SMU1: variants seen among roughly 807,000 people sequenced by gnomAD.
The protein encoded by SMU1 is SMU1 DNA replication regulator and spliceosomal factor.
A neutral mutation model predicts 62.0 loss-of-function variants in SMU1; 2 were observed. The observed-to-expected ratio is 0.03, with a 90% CI of 0.01 to 0.10. The LOEUF (loss-of-function observed/expected upper bound fraction) is 0.10, where lower values mean the gene tolerates loss of function less well. Among genes scored for constraint, SMU1 ranks in the 10% least tolerant of loss-of-function variants. SMU1 has a pLI of 1.00. For missense variants in SMU1, 227 were observed against 622.1 expected (o/e 0.36, Z 6.76); for synonymous variants, 188 against 212.4 (o/e 0.89, Z 1.00).
rs1839454956 is a variant in SMU1, at chr9:33,068,811, GGAATT to G, written c.501+8_501+12del. Reference sequence around the variant, plus strand: ...TGAGCCACCACACCTGGCCTCTACAGGAATTGAATTACCTGTCCCAGCAATGCCAT... The same window carrying G: ...TGAGCCACCACACCTGGCCTCTACAGGAATTACCTGTCCCAGCAATGCCAT... On this transcript the variant is annotated splice_region_variant and intron_variant, in intron 4 of 11. Coordinates refer to ENST00000397149, the MANE Select transcript of SMU1 (RefSeq NM_018225.3). The G allele has an allele frequency of 1.2e-6, 2 of 1,613,372 alleles. No homozygotes were observed. Among genetic ancestry groups the G allele is most frequent in the Non-Finnish European group, 1.7e-6 (2 of 1,179,822 alleles).
At chr9:33,049,135 A>G (rs180939215) in intron 10 of SMU1, among the ~76,000 whole-genome samples, 3 of 152,214 alleles carry the variant, frequency 2.0e-5, no homozygotes, top group African/African-American at 4.8e-5. Flanking sequence ...AAGCTTACGC[A>G]AAGAGGCAAA....
At chr9:33,064,387 T>C (rs1839395906) in intron 4 of SMU1, among the ~76,000 whole-genome samples, 2 of 152,230 alleles carry the variant, frequency 1.3e-5, no homozygotes, top group Admixed American at 1.3e-4. Context: ...CCAGTGTTTT[T>C]CTATTATCTT....
chr9:33,075,979 A>ATAGTTGTTCATTCATTCCAAAAGC (rs1172903345), intron 1 of SMU1, among the ~76,000 whole-genome samples: 2 of 152,172 alleles, frequency 1.3e-5, no homozygotes, highest in African/African-American at 2.4e-5. Context: ...ATCGGGCCTG[A>ATAGTTGTTCATTCATTCCAAAAGC]TAGTTGTTCA....
chr9:33,051,948 C>G (rs547794033), intron 10 of SMU1, among the ~76,000 whole-genome samples: 1 of 147,362 alleles, frequency 6.8e-6, no homozygotes, highest in Non-Finnish European at 1.5e-5. Flanking sequence ...ACCCGGCAGG[C>G]GGAGGTTACA....
rs186532286 is a variant in SMU1, at chr9:33,059,448, T to A, written c.750+1017A>T. Among the ~76,000 whole-genome samples, 23 of 151,264 alleles carry A rather than the reference T, an allele frequency of 1.5e-4. No individual in the cohort carries two copies. The East Asian group carries it at 4.2e-3, about 27-fold the overall frequency. ...ACATATAACCCCTTGAAAAAAAAAT[T>A]TGTTTTTTGCACGTCCCTGTAATCC... On this transcript the variant is annotated intron_variant, in intron 6 of 11. Transcript: ENST00000397149.
rs1366879383 is a variant in SMU1 at position 33,042,685 on chromosome 9, C to T, written c.*4608G>A. 6.6e-6 allele frequency: 1 copy of T among 152,204 alleles called. No individual in the cohort carries two copies. The highest frequency in any genetic ancestry group is 1.5e-5 in the Non-Finnish European group (1 of 68,054). 9.4% of individuals were successfully genotyped at this position (152,204 alleles called of 1,614,324 possible). On this transcript the variant is annotated 3_prime_UTR_variant, in exon 12 of 12. Coordinates refer to ENST00000397149, the MANE Select transcript of SMU1 (RefSeq NM_018225.3). Reference sequence around the variant, plus strand: ...TCTGTATAACTCGGCTGGGTGTAGCCTAAGCATCAAAATGATTATGCGCAG... The same window carrying T: ...TCTGTATAACTCGGCTGGGTGTAGCTTAAGCATCAAAATGATTATGCGCAG...
intron 9 of SMU1, among the ~76,000 whole-genome samples, chr9:33,055,821 C>G (rs1839297711): frequency 6.6e-6 from 1 of 152,126 alleles, no homozygotes. Flanking sequence ...ATTTAACCAC[C>G]ATGTGTATCT....
Position 33,060,554 on chromosome 9 carries a change from G to C in SMU1, c.661C>G (p.Arg221Gly). Residue 221 changes from arginine to glycine, a missense_variant, in exon 6 of 12, where the codon CGA becomes GGA. Coordinates refer to ENST00000397149, the MANE Select transcript of SMU1 (RefSeq NM_018225.3). Reference protein sequence around the residue: ...FGQKSHVECARFSPDGQYLVT... With the variant: ...FGQKSHVECAGFSPDGQYLVT... ...AAATACTGACCATCTGGAGAAAATCGAGCACACTCCACATGTGATTTCTGA... is the reference window on the plus strand; with the variant it reads ...AAATACTGACCATCTGGAGAAAATCCAGCACACTCCACATGTGATTTCTGA... 3 of 1,611,370 alleles carry C rather than the reference G, an allele frequency of 1.9e-6. No individual in the cohort carries two copies. The highest frequency in any genetic ancestry group is 2.5e-6 in the Non-Finnish European group (3 of 1,179,360).
chr9:33,064,652 T>G (rs1839399524), intron 4 of SMU1, among the ~76,000 whole-genome samples: 1 of 152,174 alleles, frequency 6.6e-6, no homozygotes, highest in Non-Finnish European at 1.5e-5. Flanking sequence ...ATGATGCAAA[T>G]TATAGGTCTT....
Position 33,042,816 on chromosome 9 carries a change from T to A in SMU1, c.*4477A>T, listed in dbSNP as rs1350797460. ...TGGAAGGTTAAATAATGGGCAGCCC[T>A]TGCTATTCCAAGTTTGGTTTTTTTG... On this transcript the variant is annotated 3_prime_UTR_variant, in exon 12 of 12. Coordinates refer to ENST00000397149, the MANE Select transcript of SMU1 (RefSeq NM_018225.3). The A allele has an allele frequency of 6.6e-6, 1 of 152,350 alleles. No individual in the cohort carries two copies. Among genetic ancestry groups the A allele is most frequent in the Non-Finnish European group, 1.5e-5 (1 of 68,140 alleles). The allele number at this position is 152,350 out of a possible 1,614,324, so 9.4% of individuals were successfully genotyped here. A position where few individuals can be genotyped will look rare whatever the true frequency, so the allele number is the denominator to read the frequency against.
chr9:33,057,097 A>C, intron 7 of SMU1, 133 bp from the exon 8 acceptor site: 1 of 829,810 alleles, frequency 1.2e-6, no homozygotes, highest in Non-Finnish European at 1.9e-6. Context: ...CTAATAGCTG[A>C]ATATGATGTC....
intron 4 of SMU1, among the ~76,000 whole-genome samples, chr9:33,066,301 G>A (rs1839418304): frequency 6.6e-6 from 1 of 152,086 alleles, no homozygotes; most frequent in Non-Finnish European, 1.5e-5. Context: ...TAAAGAGAAA[G>A]AAAGATACAC....
chr9:33,075,912 C>G (rs1435022205), intron 1 of SMU1, among the ~76,000 whole-genome samples: 1 of 152,184 alleles, frequency 6.6e-6, no homozygotes, highest in Non-Finnish European at 1.5e-5. Context: ...GAAAATTTTT[C>G]TTTCTAGCCC....
intron 7 of SMU1, 84 bp downstream of exon 7, chr9:33,057,514 T>C: frequency 6.7e-7 from 1 of 1,502,998 alleles, no homozygotes; most frequent in South Asian, 1.1e-5. Context: ...GCTATTATTA[T>C]GCTGAATATC....
chr9:33,057,832 C>T (rs1839319120), intron 6 of SMU1, 118 bp from the exon 7 acceptor site: 1 of 1,334,968 alleles, frequency 7.5e-7, no homozygotes, highest in Non-Finnish European at 1.0e-6. Flanking sequence ...CCAAAGTAAA[C>T]AGAAGTGCCG....
chr9:33,045,259 A>C lies in SMU1; in HGVS notation c.*2034T>G, dbSNP rs1430686779. On this transcript the variant is annotated 3_prime_UTR_variant, in exon 12 of 12. Coordinates refer to ENST00000397149, the MANE Select transcript of SMU1 (RefSeq NM_018225.3). ...TAGCATAAACTGTTTCCTCTAACTT[A>C]AACTTCTCTTAAGTGAACGTGTCTT... 6.6e-6 allele frequency: 1 copy of C among 152,162 alleles called. No homozygotes were observed. Among genetic ancestry groups the C allele is most frequent in the Non-Finnish European group, 1.5e-5 (1 of 68,042 alleles). 9.4% of individuals were successfully genotyped at this position (152,162 alleles called of 1,614,324 possible). A position where few individuals can be genotyped will look rare whatever the true frequency, so the allele number is the denominator to read the frequency against.
At position 33,071,854 on chromosome 9, in the gene SMU1, A is replaced by G; in HGVS notation, c.276T>C (p.Ala92=). ...LELIELRELG[A]ARSLLRQTDP... ...CAGTCTGTCTCAAAAGTGACCTGGC[A>G]GCACCCAATTCACGGAGCTCTATCA... The change falls in exon 3 of 12, where the codon GCT becomes GCC. Residue 92 remains alanine, a synonymous_variant. Transcript: ENST00000397149. The G allele has an allele frequency of 6.3e-7, 1 of 1,593,060 alleles. No homozygotes were observed. Among genetic ancestry groups the G allele is most frequent in the Non-Finnish European group, 8.5e-7 (1 of 1,173,220 alleles).
At chr9:33,073,888 C>T in intron 1 of SMU1, 82 bp from the exon 2 acceptor site, 1 of 1,257,568 alleles carries the variant, frequency 8.0e-7, no homozygotes. Context: ...CCTACTCAAT[C>T]ATCTTCCTTT....
chr9:33,047,515 G>T (rs1251655625), intron 11 of SMU1, 124 bp from the exon 12 acceptor site: 5 of 627,984 alleles, frequency 8.0e-6, no homozygotes. Context: ...AAATGGCATA[G>T]GAGAAAGATG....
Sources: allele counts gnomAD v4.1 joint callset (sites outside exome capture counted in the v4.1 genomes callset), GRCh38; gene constraint gnomAD v4.1.1; transcripts MANE v1.5; gene names NCBI Gene and HGNC (gene_info 2026-07-23, HGNC 2026-07-21).